The following ATAD2B variants were observed in gnomAD, a reference collection of about 807,000 sequenced individuals.
ATAD2B encodes ATPase family AAA domain-containing protein 2B.
Under a neutral mutation model 167.6 loss-of-function variants are expected in ATAD2B, and 40 were observed. The ratio of observed to expected loss-of-function variants is 0.24; its 90% CI spans 0.19 to 0.31. The LOEUF is 0.31. Ranked by LOEUF, ATAD2B falls within the 10% of genes least tolerant of loss-of-function variation. The pLI, the probability that ATAD2B is intolerant of heterozygous loss-of-function variation, is 1.00. For missense variants in ATAD2B, 1,242 were observed against 1,757.2 expected, an observed-to-expected ratio of 0.71 and a Z score of 5.24; for synonymous variants, 579 against 596.5, an observed-to-expected ratio of 0.97 and a Z score of 0.43.
chr2:23,905,142 A>C (rs915530026), intron 1 of ATAD2B, among the ~76,000 whole-genome samples: 6 of 152,196 alleles, frequency 3.9e-5, no homozygotes, highest in Non-Finnish European at 7.3e-5. Flanking sequence ...TTTCTTCCAC[A>C]TAAAAATTTC....
intron 8 of ATAD2B, among the ~76,000 whole-genome samples, chr2:23,874,350 T>G (rs1249676822): frequency 6.6e-6 from 1 of 152,116 alleles, no homozygotes; most frequent in South Asian, 2.1e-4. Flanking sequence ...GACCTCTGAG[T>G]TGGCAATGGA....
Position 23,926,928 on chromosome 2 carries a change from G to A in ATAD2B, c.-158C>T, listed in dbSNP as rs1704972469. ...GCAGACGAGCACAAGAGAGAGCCGG[G>A]CAGAGGAAGGGAAGTCGGCGTGAGC... On this transcript the variant is annotated 5_prime_UTR_variant, in exon 1 of 28. Transcript: ENST00000238789. 2 of 882,740 alleles carry A rather than the reference G, an allele frequency of 2.3e-6. No homozygotes were observed. The highest frequency in any genetic ancestry group is 3.2e-5 in the East Asian group (1 of 31,152). The allele number at this position is 882,740 out of a possible 1,614,324, so 54.7% of individuals were successfully genotyped here. A position where few individuals can be genotyped will look rare whatever the true frequency, so the allele number is the denominator to read the frequency against.
At chr2:23,762,148 A>G (rs1302036980) in intron 24 of ATAD2B, 61 bp downstream of exon 24, 3 of 1,549,706 alleles carry the variant, frequency 1.9e-6, no homozygotes, top group Non-Finnish European at 2.6e-6. Flanking sequence ...CCCAATTCCT[A>G]ACATATCTAC....
intron 12 of ATAD2B, 92 bp downstream of exon 12, chr2:23,863,289 G>A: frequency 7.9e-7 from 1 of 1,271,992 alleles, no homozygotes. Context: ...CTCCAGCCTG[G>A]GTAACAGAGA....
chr2:23,703,919 G>T, the ATAD2B span: 7 of 1,484,172 alleles, frequency 4.7e-6, no homozygotes, highest in Non-Finnish European at 6.3e-6. Context: ...GAGGAGGAGG[G>T]GTGTGACCAC....
chr2:23,724,739 A>C, the ATAD2B span, among the ~76,000 whole-genome samples: 4 of 152,246 alleles, frequency 2.6e-5, no homozygotes, highest in East Asian at 7.7e-4. Flanking sequence ...ACAGAAAAAA[A>C]AATCTTTAAA....
the ATAD2B span, among the ~76,000 whole-genome samples, chr2:23,735,071 C>T: frequency 6.6e-6 from 1 of 152,186 alleles, no homozygotes; most frequent in African/African-American, 2.4e-5. Context: ...ATTTTCATGT[C>T]ATGGTACTGT....
intron 24 of ATAD2B, among the ~76,000 whole-genome samples, chr2:23,761,584 A>C (rs1004335186): frequency 4.6e-5 from 7 of 152,256 alleles, no homozygotes; most frequent in African/African-American, 1.7e-4. Flanking sequence ...AACAGCATGT[A>C]TCTTCCAAGG....
rs116813668 is a variant in ATAD2B at position 23,776,843 on chromosome 2, T to A, written c.3133+6026A>T. Among the ~76,000 whole-genome samples the A allele has an allele frequency of 1.6e-3, 246 of 152,320 alleles. 1 individual carries two copies. The highest frequency in any genetic ancestry group is 5.7e-3 in the African/African-American group (235 of 41,558). On this transcript the variant is annotated intron_variant, in intron 22 of 27. Coordinates refer to ENST00000238789, the MANE Select transcript of ATAD2B (RefSeq NM_017552.4). ...AATAATTTGATAAGTGTATTTATCA[T>A]CTCTAAAAATTGATGACTTTCTATA...
chr2:23,838,814 T>C (rs1340859859), intron 13 of ATAD2B, among the ~76,000 whole-genome samples: 1 of 152,166 alleles, frequency 6.6e-6, no homozygotes, highest in Non-Finnish European at 1.5e-5. Context: ...TGGGCTCCGT[T>C]CCATTCATCT....
At chr2:23,728,235 G>A in the ATAD2B span, among the ~76,000 whole-genome samples, 1 of 152,024 alleles carries the variant, frequency 6.6e-6, no homozygotes, top group Non-Finnish European at 1.5e-5. Flanking sequence ...TTAAAAAAAA[G>A]GTCTATTAAG....
intron 13 of ATAD2B, 67 bp from the exon 14 acceptor site, chr2:23,834,145 A>AT: frequency 2.6e-6 from 1 of 390,986 alleles, no homozygotes; most frequent in South Asian, 6.0e-5. Context: ...AACGTTTATC[A>AT]GTCTTTCTTT....
the ATAD2B span, among the ~76,000 whole-genome samples, chr2:23,709,082 C>T: frequency 1.3e-5 from 2 of 151,898 alleles, no homozygotes; most frequent in African/African-American, 4.8e-5. Flanking sequence ...CTCTTGTTGC[C>T]CAGACTGGAG....
At chr2:23,861,835 A>T (rs1694418829) in intron 12 of ATAD2B, among the ~76,000 whole-genome samples, 1 of 152,198 alleles carries the variant, frequency 6.6e-6, no homozygotes, top group Non-Finnish European at 1.5e-5. Context: ...TAGACACTGG[A>T]CACGTTCAAG....
chr2:23,755,144 A>C (rs1250752333), intron 25 of ATAD2B: 1 of 155,096 alleles, frequency 6.4e-6, no homozygotes, highest in East Asian at 1.9e-4. Context: ...CAAGAAGGGA[A>C]GCAACCTAGA....
chr2:23,874,706 T>A (rs934907704), intron 8 of ATAD2B, among the ~76,000 whole-genome samples: 1 of 149,482 alleles, frequency 6.7e-6, no homozygotes, highest in South Asian at 2.1e-4. Flanking sequence ...AAAAAAAAAA[T>A]AAACTTTTAA....
At chr2:23,833,367 T>A (rs1056818054) in intron 14 of ATAD2B, among the ~76,000 whole-genome samples, 17 of 114,868 alleles carry the variant, frequency 1.5e-4, no homozygotes, top group African/African-American at 5.4e-4. Flanking sequence ...AAGAATAATA[T>A]TAAAAGTTTG....
the ATAD2B span, chr2:23,708,470 T>C: frequency 6.6e-6 from 1 of 152,194 alleles, no homozygotes; most frequent in Non-Finnish European, 1.5e-5. Context: ...GTTTCTCTCC[T>C]CATCTATCAC....
At chr2:23,783,876 G>C (rs1680414298) in intron 21 of ATAD2B, among the ~76,000 whole-genome samples, 1 of 152,064 alleles carries the variant, frequency 6.6e-6, no homozygotes, top group South Asian at 2.1e-4. Flanking sequence ...GTTAAGTTCT[G>C]CTCTATGAAG....
Sources: gnomAD v4.1 joint callset for allele counts (sites outside exome capture counted in the v4.1 genomes callset) on GRCh38, gnomAD v4.1.1 for gene constraint, MANE v1.5 for transcripts, NCBI Gene and HGNC (gene_info 2026-07-23, HGNC 2026-07-21) for gene names.